Variants in OR6F1 observed in about 807,000 individuals in gnomAD.
The protein encoded by OR6F1 is olfactory receptor family 6 subfamily F member 1, also known as olfactory receptor 6F1.
For missense variants in OR6F1, 346 were observed against 376.0 expected (o/e 0.92, Z 0.66); for synonymous variants, 144 against 150.0 (o/e 0.96, Z 0.29).
rs910505140 is a variant in OR6F1 at position 247,712,094 on chromosome 1, A to T, written c.662T>A (p.Ile221Asn). Reference protein sequence around the residue: ...CLITFVSYVYIISTILRIPSA... With the variant: ...CLITFVSYVYNISTILRIPSA... The stretch of plus-strand genomic sequence containing the variant: ...GGGGATCCTGAGGATGGTGCTGATG[A>T]TGTACACATAGGAGACAAAGGTGAT... Residue 221 changes from isoleucine (I) to asparagine (N), a missense_variant, in exon 3 of 3, where the codon ATC becomes AAC. Physicochemically the swap from Ile to Asn is moderately radical, Grantham distance 149. Coordinates refer to ENST00000641470, the MANE Select transcript of OR6F1 (RefSeq NM_001005286.2). The T allele has an allele frequency of 1.2e-6, 2 of 1,614,104 alleles. No individual in the cohort carries two copies. The highest frequency in any genetic ancestry group is 1.7e-6 in the Non-Finnish European group (2 of 1,180,036).
chr1:247,713,153 T>G (rs970932161), intron 2 of OR6F1, among the ~76,000 whole-genome samples: 13 of 152,182 alleles, frequency 8.5e-5, no homozygotes, highest in African/African-American at 2.4e-4. Flanking sequence ...CTGACTGAAT[T>G]TACTACATTT....
At position 247,712,777 on chromosome 1, in the gene OR6F1, CAG is replaced by C; in HGVS notation, c.-24_-23del. The C allele has an allele frequency of 1.3e-6, 2 of 1,491,124 alleles. No individual in the cohort carries two copies. Among genetic ancestry groups the C allele is most frequent in the Non-Finnish European group, 1.8e-6 (2 of 1,085,696 alleles). 92.4% of individuals were successfully genotyped at this position (1,491,124 alleles called of 1,614,324 possible). Reference sequence around the variant, plus strand: ...CCATTGTGGTACTGAAACCAGAAAACAGAGTCCCCGCACTGAGCCCTTTAACC... The same window carrying C: ...CCATTGTGGTACTGAAACCAGAAAACAGTCCCCGCACTGAGCCCTTTAACC... On this transcript the variant is annotated 5_prime_UTR_variant, in exon 3 of 3. Coordinates refer to ENST00000641470, the MANE Select transcript of OR6F1 (RefSeq NM_001005286.2).
chr1:247,713,726 T>C (rs1336213992), intron 2 of OR6F1, among the ~76,000 whole-genome samples, 165 bp downstream of exon 2: 1 of 152,208 alleles, frequency 6.6e-6, no homozygotes, highest in Admixed American at 6.5e-5. Context: ...CCCTTATAAA[T>C]AGAAATGTTC....
In OR6F1 at chr1:247,711,889, G is replaced by T. The variant is rs755200890; in HGVS notation, c.867C>A (p.Ile289=). 3.1e-6 allele frequency: 5 copies of T among 1,613,774 alleles called. No individual in the cohort carries two copies. In the East Asian group the frequency reaches 1.1e-4, roughly 36 times the overall value. The part of the protein sequence containing the change: ...TVVTPVLNPF[I]YTLRNKEVRE... The stretch of plus-strand genomic sequence containing the variant: ...TTACTTCCTTATTACGAAGCGTATA[G>T]ATGAAGGGGTTTAAAACTGGAGTCA... The change falls in exon 3 of 3, where the codon ATC becomes ATA. Residue 289 remains isoleucine (I), a synonymous_variant. Coordinates refer to ENST00000641470, the MANE Select transcript of OR6F1 (RefSeq NM_001005286.2).
intron 1 of OR6F1, among the ~76,000 whole-genome samples, chr1:247,714,445 C>T (rs984497280): frequency 1.3e-5 from 2 of 151,224 alleles, no homozygotes; most frequent in South Asian, 2.1e-4. Context: ...TTTGTCTTGT[C>T]GCTTCTCTAC....
At position 247,711,731 on chromosome 1, in the gene OR6F1, TAC is replaced by T. The variant is rs1660000960; in HGVS notation, c.*96_*97del. On this transcript the variant is annotated 3_prime_UTR_variant, in exon 3 of 3. Transcript: ENST00000641470. ...TTTGTTTGTTTGTTTTTTCTCTGTG[TAC>T]CAAGAAAGATTTGCCCTATTCCTCC... 2 of 747,236 alleles carry T rather than the reference TAC, an allele frequency of 2.7e-6. No homozygotes were observed. The highest frequency in any genetic ancestry group is 4.6e-6 in the Non-Finnish European group (2 of 436,870). The allele number at this position is 747,236 out of a possible 1,614,324, so 46.3% of individuals were successfully genotyped here. A position where few individuals can be genotyped will look rare whatever the true frequency, so the allele number is the denominator to read the frequency against.
At position 247,713,115 on chromosome 1, in the gene OR6F1, C is replaced by A. The variant is rs552453844; in HGVS notation, c.-62-298G>T. 2.3e-4 allele frequency among the ~76,000 whole-genome samples: 35 copies of A among 152,312 alleles called. No individual in the cohort carries two copies. The South Asian group carries it at 4.4e-3, about 19-fold the overall frequency. ...ACTCTGAGCCACATTCCAGCTCAGT[C>A]CCAGATTACATCTAAACCCAGAAAG... On this transcript the variant is annotated intron_variant, in intron 2 of 2. Coordinates refer to ENST00000641470, the MANE Select transcript of OR6F1 (RefSeq NM_001005286.2).
Position 247,711,789 on chromosome 1 carries a change from C to T in OR6F1, c.*40G>A. 2 of 1,348,526 alleles carry T rather than the reference C, an allele frequency of 1.5e-6. No individual in the cohort carries two copies. Among genetic ancestry groups the T allele is most frequent in the South Asian group, 2.5e-5 (2 of 81,014 alleles). The allele number at this position is 1,348,526 out of a possible 1,614,324, so 83.5% of individuals were successfully genotyped here. On this transcript the variant is annotated 3_prime_UTR_variant, in exon 3 of 3. Transcript: ENST00000641470. ...CTTACTTGGAACCTCTGTATAGATG[C>T]AGAGACCATTTACAGGACATCTGTT...
Position 247,711,858 on chromosome 1 carries a change from T to C in OR6F1, c.898A>G (p.Thr300Ala), listed in dbSNP as rs1558301919. Reference protein sequence around the residue: ...YTLRNKEVRETLLKKWKGK With the variant: ...YTLRNKEVREALLKKWKGK ...TTTCCCTTCCATTTCTTCAGCAGAG[T>C]CTCTCTTACTTCCTTATTACGAAGC... The change falls in exon 3 of 3, where the codon ACT becomes GCT. Residue 300 changes from threonine (T) to alanine (A), a missense_variant. Physicochemically the swap from Thr to Ala is moderately conservative, Grantham distance 58. Transcript: ENST00000641470. The C allele has an allele frequency of 6.2e-7, 1 of 1,612,806 alleles. No individual in the cohort carries two copies. Among genetic ancestry groups the C allele is most frequent in the South Asian group, 1.1e-5 (1 of 91,000 alleles).
At chr1:247,713,089 C>T (rs1432810848) in intron 2 of OR6F1, among the ~76,000 whole-genome samples, 5 of 152,218 alleles carry the variant, frequency 3.3e-5, no homozygotes, top group Non-Finnish European at 7.3e-5. Flanking sequence ...GCCTTCATCC[C>T]ACTCTGAGCC....
chr1:247,715,133 G>A (rs1660083179), intron 1 of OR6F1, among the ~76,000 whole-genome samples: 1 of 152,202 alleles, frequency 6.6e-6, no homozygotes, highest in Non-Finnish European at 1.5e-5. Flanking sequence ...GTGGAGCCAT[G>A]ACTGTCAATC....
chr1:247,715,354 T>C (rs1660087301), intron 1 of OR6F1, among the ~76,000 whole-genome samples: 1 of 152,242 alleles, frequency 6.6e-6, no homozygotes, highest in Non-Finnish European at 1.5e-5. Flanking sequence ...AAGGCAATTA[T>C]ACTCATAATT....
At chr1:247,713,379 A>T (rs1660048101) in intron 2 of OR6F1, among the ~76,000 whole-genome samples, 1 of 152,078 alleles carries the variant, frequency 6.6e-6, no homozygotes, top group African/African-American at 2.4e-5. Flanking sequence ...TCTCTTGATG[A>T]TTTCATGTTT....
At chr1:247,715,022 T>C (rs1329311789) in intron 1 of OR6F1, among the ~76,000 whole-genome samples, 1 of 152,226 alleles carries the variant, frequency 6.6e-6, no homozygotes, top group African/African-American at 2.4e-5. Flanking sequence ...ACTAGACTGT[T>C]AGCTAATGTG....
rs1660031965 is a variant in OR6F1 at position 247,712,673 on chromosome 1, AAG to A, written c.81_82del (p.Phe28TyrfsTer12). On this transcript the variant is annotated frameshift_variant, in exon 3 of 3. Coordinates refer to ENST00000641470, the MANE Select transcript of OR6F1 (RefSeq NM_001005286.2). LOFTEE classifies it low-confidence loss of function (END_TRUNC). Reference sequence around the variant, plus strand: ...GATGTACATCACCAGAAAAAGCATAAAGAGAGAGAGCTGAAGAGTTTGAGAAC... The same window carrying A: ...GATGTACATCACCAGAAAAAGCATAAAGAGAGAGCTGAAGAGTTTGAGAAC... 1.2e-6 allele frequency: 2 copies of A among 1,612,950 alleles called. No homozygotes were observed. Among genetic ancestry groups the A allele is most frequent in the South Asian group, 1.1e-5 (1 of 91,072 alleles).
In OR6F1 at chr1:247,712,660, C is replaced by T. The variant is rs772830631; in HGVS notation, c.96G>A (p.Leu32=). Residue 32 remains leucine, a synonymous_variant, in exon 3 of 3, where the codon CTG becomes CTA. Coordinates refer to ENST00000641470, the MANE Select transcript of OR6F1 (RefSeq NM_001005286.2). ...CACTAACTGTGAGGATGTACATCACCAGAAAAAGCATAAAGAGAGAGAGCT... is the reference window on the plus strand; with the variant it reads ...CACTAACTGTGAGGATGTACATCACTAGAAAAAGCATAAAGAGAGAGAGCT... The part of the protein sequence containing the change: ...TLQLSLFMLF[L]VMYILTVSGN... 2.5e-6 allele frequency: 4 copies of T among 1,613,298 alleles called. No homozygotes were observed. The Admixed American group carries it at 5.0e-5, about 20-fold the overall frequency.
chr1:247,714,487 T>G (rs1660070871), intron 1 of OR6F1, among the ~76,000 whole-genome samples: 1 of 152,196 alleles, frequency 6.6e-6, no homozygotes, highest in African/African-American at 2.4e-5. Flanking sequence ...AAATACTATA[T>G]AAGACCAAGT....
In OR6F1 at chr1:247,712,084, G is replaced by C. The variant is rs773601423; in HGVS notation, c.672C>G (p.Thr224=). The C allele has an allele frequency of 6.2e-7, 1 of 1,614,162 alleles. No individual in the cohort carries two copies. The highest frequency in any genetic ancestry group is 8.5e-7 in the Non-Finnish European group (1 of 1,179,990). The change falls in exon 3 of 3, where the codon ACC becomes ACG. Residue 224 remains threonine, a synonymous_variant. Coordinates refer to ENST00000641470, the MANE Select transcript of OR6F1 (RefSeq NM_001005286.2). ...TFVSYVYIIS[T]ILRIPSASGR... is the part of the protein sequence containing the mutation. ...CACTGGCAGAGGGGATCCTGAGGAT[G>C]GTGCTGATGATGTACACATAGGAGA...
chr1:247,712,028 G>T lies in OR6F1; in HGVS notation c.728C>A (p.Ser243Ter), dbSNP rs757043655. ...GRSKAFSTCSSHLTVVLIWYG... is the reference protein window; with the variant it reads ...GRSKAFSTCS ...CCAAATGAGCACCACGGTGAGATGCGAGGAGCACGTGGAGAAGGCTTTGCT... is the reference window on the plus strand; with the variant it reads ...CCAAATGAGCACCACGGTGAGATGCTAGGAGCACGTGGAGAAGGCTTTGCT... The change falls in exon 3 of 3, where the codon TCG becomes TAG. Residue 243 changes from serine to a stop codon, truncating the protein, a stop_gained. Coordinates refer to ENST00000641470, the MANE Select transcript of OR6F1 (RefSeq NM_001005286.2). LOFTEE classifies it low-confidence loss of function (END_TRUNC). 2.5e-6 allele frequency: 4 copies of T among 1,614,126 alleles called. No homozygotes were observed. The highest frequency in any genetic ancestry group is 3.4e-6 in the Non-Finnish European group (4 of 1,179,970).
Sources: gnomAD v4.1 joint callset for allele counts (sites outside exome capture counted in the v4.1 genomes callset) on GRCh38, gnomAD v4.1.1 for gene constraint, MANE v1.5 for transcripts, NCBI Gene and HGNC (gene_info 2026-07-23, HGNC 2026-07-21) for gene names.